Variants in LHFPL2 observed in about 807,000 individuals in gnomAD.
LHFPL2 encodes the protein LHFPL tetraspan subfamily member 2 protein.
In LHFPL2, 7 loss-of-function variants were observed where a neutral mutation model predicts 17.5. That is an observed-to-expected ratio of 0.40 (90% CI 0.23 to 0.75). The LOEUF is 0.75. LHFPL2 is among the 30% of genes least tolerant of loss of function. The pLI, the probability that LHFPL2 is intolerant of heterozygous loss-of-function variation, is 0.37. For missense variants in LHFPL2, 241 were observed against 294.8 expected, an observed-to-expected ratio of 0.82 and a Z score of 1.34; for synonymous variants, 134 against 116.2, an observed-to-expected ratio of 1.15 and a Z score of -0.99.
chr5:78,623,655 A>C (rs1744936227), intron 2 of LHFPL2, among the ~76,000 whole-genome samples: 1 of 152,208 alleles, frequency 6.6e-6, no homozygotes, highest in Admixed American at 6.5e-5. Flanking sequence ...CTCCCACCTC[A>C]CTTTTGTTTA....
intron 2 of LHFPL2, among the ~76,000 whole-genome samples, chr5:78,596,354 G>A (rs1396163298): frequency 1.3e-5 from 2 of 152,174 alleles, no homozygotes; most frequent in African/African-American, 4.8e-5. Context: ...GCTGCCTAGA[G>A]GACGACCTTT....
intron 2 of LHFPL2, among the ~76,000 whole-genome samples, chr5:78,593,158 G>A (rs1743702598): frequency 6.6e-6 from 1 of 152,110 alleles, no homozygotes; most frequent in South Asian, 2.1e-4. Flanking sequence ...TTCACGGGGG[G>A]CGAAAGGAGA....
rs1311794106 is a variant in LHFPL2 at position 78,630,752 on chromosome 5, G to A, written c.-245+1512C>T. 3.3e-5 allele frequency among the ~76,000 whole-genome samples: 5 copies of A among 152,188 alleles called. No homozygotes were observed. In the East Asian group the frequency reaches 5.8e-4, roughly 18 times the overall value. On this transcript the variant is annotated intron_variant, in intron 2 of 4. Transcript: ENST00000380345. ...AGACAAATTCTTTTGCTTTAGTGCT[G>A]CAAACACCCAGGATGGCAACTGGAA...
At chr5:78,596,661 A>G (rs1438540156) in intron 2 of LHFPL2, among the ~76,000 whole-genome samples, 1 of 152,156 alleles carries the variant, frequency 6.6e-6, no homozygotes, top group East Asian at 1.9e-4. Flanking sequence ...CCATGTCTGA[A>G]TTATCCAAAA....
At chr5:78,558,742 T>G (rs897389550) in intron 3 of LHFPL2, among the ~76,000 whole-genome samples, 2 of 152,214 alleles carry the variant, frequency 1.3e-5, no homozygotes, top group African/African-American at 4.8e-5. Context: ...AAGGCCAGAA[T>G]CTACCGGAAC....
intron 2 of LHFPL2, among the ~76,000 whole-genome samples, chr5:78,577,814 T>A (rs1037281968): frequency 6.6e-6 from 1 of 152,026 alleles, no homozygotes; most frequent in East Asian, 1.9e-4. Flanking sequence ...TTTTTTTTTT[T>A]AGACTCCCCT....
rs767755035 is a variant in LHFPL2, at chr5:78,486,114, TAAAAA to T, written c.*2778_*2782del. ...TATATATTTTTAAATATGCTACACATAAAAAAAGACTATGGCACTTTACAGAATAT... is the reference window on the plus strand; with the variant it reads ...TATATATTTTTAAATATGCTACACATAAGACTATGGCACTTTACAGAATAT... On this transcript the variant is annotated 3_prime_UTR_variant, in exon 5 of 5. Transcript: ENST00000380345. 2.6e-5 allele frequency: 4 copies of T among 152,660 alleles called. No homozygotes were observed. Among genetic ancestry groups the T allele is most frequent in the African/African-American group, 9.6e-5 (4 of 41,536 alleles). The allele number at this position is 152,660 out of a possible 1,614,324, so 9.5% of individuals were successfully genotyped here.
intron 2 of LHFPL2, among the ~76,000 whole-genome samples, chr5:78,622,859 G>A (rs1744906267): frequency 6.6e-6 from 1 of 152,202 alleles, no homozygotes; most frequent in Non-Finnish European, 1.5e-5. Flanking sequence ...TACAGACTGA[G>A]ACACCACTGA....
intron 2 of LHFPL2, among the ~76,000 whole-genome samples, chr5:78,631,601 T>C (rs1745250059): frequency 6.6e-6 from 1 of 152,156 alleles, no homozygotes; most frequent in South Asian, 2.1e-4. Flanking sequence ...CAAAAAAAGG[T>C]TACACTCTGA....
intron 2 of LHFPL2, among the ~76,000 whole-genome samples, chr5:78,578,896 G>A (rs1213275372): frequency 6.6e-6 from 1 of 152,196 alleles, no homozygotes; most frequent in Non-Finnish European, 1.5e-5. Flanking sequence ...CAGCAACGTA[G>A]GTGAGCAATG....
At chr5:78,610,013 C>T (rs192943167) in intron 2 of LHFPL2, among the ~76,000 whole-genome samples, 16 of 152,268 alleles carry the variant, frequency 1.1e-4, no homozygotes, top group South Asian at 4.2e-4. Flanking sequence ...GAATCACCTA[C>T]CTAAACCTGC....
chr5:78,527,878 A>G (rs1486351807), intron 3 of LHFPL2, among the ~76,000 whole-genome samples: 1 of 152,194 alleles, frequency 6.6e-6, no homozygotes, highest in African/African-American at 2.4e-5. Flanking sequence ...GAAGTCAGCA[A>G]CACCTCTCGT....
chr5:78,584,992 TG>T lies in LHFPL2; in HGVS notation c.-244-20122del, dbSNP rs1260914533. ...TGCGGGATATAATCTCCTGGTGCGC[TG>T]TGTTTTTTTTTTTTTTTTTTTTTTT... On this transcript the variant is annotated intron_variant, in intron 2 of 4. Transcript: ENST00000380345. Among the ~76,000 whole-genome samples, 19 of 89,376 alleles carry T rather than the reference TG, an allele frequency of 2.1e-4. 2 individuals are homozygous for T. Among genetic ancestry groups the T allele is most frequent in the African/African-American group, 8.7e-4 (19 of 21,788 alleles). The allele number at this position is 89,376 out of a possible 152,430, so 58.6% of individuals were successfully genotyped here.
intron 2 of LHFPL2, among the ~76,000 whole-genome samples, chr5:78,631,715 C>T (rs1745255938): frequency 6.6e-6 from 1 of 152,188 alleles, no homozygotes; most frequent in South Asian, 2.1e-4. Context: ...GCAGGCGGAT[C>T]ACTTGAGGTC....
chr5:78,548,167 T>A (rs1756340340), intron 3 of LHFPL2, among the ~76,000 whole-genome samples: 1 of 152,256 alleles, frequency 6.6e-6, no homozygotes, highest in South Asian at 2.1e-4. Flanking sequence ...AGCATGACTG[T>A]CACGATCCTT....
intron 1 of LHFPL2, among the ~76,000 whole-genome samples, chr5:78,640,515 A>G (rs924507131): frequency 1.4e-4 from 22 of 152,222 alleles, no homozygotes; most frequent in African/African-American, 5.1e-4. Context: ...CAAAGGATGC[A>G]CCATGGATAT....
At chr5:78,505,048 A>G (rs764620405) in intron 4 of LHFPL2, among the ~76,000 whole-genome samples, 2 of 152,196 alleles carry the variant, frequency 1.3e-5, no homozygotes, top group Non-Finnish European at 2.9e-5. Context: ...CCAAATCCTG[A>G]GCTCAGTTTA....
intron 3 of LHFPL2, among the ~76,000 whole-genome samples, chr5:78,545,575 A>G (rs1756247698): frequency 6.6e-6 from 1 of 152,222 alleles, no homozygotes; most frequent in Admixed American, 6.5e-5. Context: ...AGACGAACTC[A>G]CTACAGCGTT....
rs528629331 is a variant in LHFPL2 at position 78,620,980 on chromosome 5, T to G, written c.-245+11284A>C. ...TCATTCTCAAACTCCTTTTTTTTTT[T>G]TTTTGGAGATGGAGTCTTGCTCTGT... is the stretch of plus-strand genomic sequence containing the variant. On this transcript the variant is annotated intron_variant, in intron 2 of 4. Transcript: ENST00000380345. Among the ~76,000 whole-genome samples the G allele has an allele frequency of 2.6e-5, 4 of 152,050 alleles. No homozygotes were observed. The South Asian group carries it at 8.3e-4, about 32-fold the overall frequency.
Sources: gnomAD v4.1 joint callset for allele counts (sites outside exome capture counted in the v4.1 genomes callset) on GRCh38, gnomAD v4.1.1 for gene constraint, MANE v1.5 for transcripts, NCBI Gene and HGNC (gene_info 2026-07-23, HGNC 2026-07-21) for gene names.